The following CCDC34 variants were observed in gnomAD, a reference collection of about 807,000 sequenced individuals.
CCDC34 encodes the protein coiled-coil domain containing 34, also known as coiled-coil domain-containing protein 34.
A neutral mutation model predicts 44.1 loss-of-function variants in CCDC34; 40 were observed. The ratio of observed to expected loss-of-function variants is 0.91; its 90% CI spans 0.70 to 1.18. The LOEUF (loss-of-function observed/expected upper bound fraction) is 1.18, where lower values mean the gene tolerates loss of function less well. Among genes scored for constraint, CCDC34 ranks in the 50% most tolerant of loss-of-function variants. The pLI is 0.00. For synonymous variants in CCDC34, 159 were observed against 158.2 expected (o/e 1.01, Z -0.04); for missense variants, 466 against 452.3 (o/e 1.03, Z -0.28).
intron 3 of CCDC34, among the ~76,000 whole-genome samples, chr11:27,342,314 TATACAC>T (rs1379649079): frequency 1.6e-5 from 2 of 124,658 alleles, no homozygotes; most frequent in East Asian, 4.5e-4. Context: ...TATATATATA[TATACAC>T]ACACACACAC....
chr11:27,344,874 G>A (rs1166664892), intron 3 of CCDC34, among the ~76,000 whole-genome samples: 1 of 152,000 alleles, frequency 6.6e-6, no homozygotes, highest in Non-Finnish European at 1.5e-5. Context: ...AAGATGCAGG[G>A]CAACTAAAAC....
At chr11:27,345,211 T>C (rs1862415721) in intron 3 of CCDC34, among the ~76,000 whole-genome samples, 1 of 152,232 alleles carries the variant, frequency 6.6e-6, no homozygotes, top group African/African-American at 2.4e-5. Flanking sequence ...CAGGTAAAGC[T>C]AAAGCTATAA....
At chr11:27,360,432 A>G (rs1862645909) in intron 1 of CCDC34, among the ~76,000 whole-genome samples, 1 of 152,210 alleles carries the variant, frequency 6.6e-6, no homozygotes, top group South Asian at 2.1e-4. Context: ...CTGATGCCTG[A>G]GCCTAGCTCA....
chr11:27,352,304 A>T (rs1302090813), intron 2 of CCDC34, among the ~76,000 whole-genome samples: 2 of 152,044 alleles, frequency 1.3e-5, no homozygotes, highest in Non-Finnish European at 2.9e-5. Flanking sequence ...ACTCGCCTGA[A>T]CCTGGGAGGC....
At chr11:27,350,467 A>T (rs1862492765) in intron 2 of CCDC34, 28 bp from the exon 3 acceptor site, 1 of 1,556,572 alleles carries the variant, frequency 6.4e-7, no homozygotes, top group Non-Finnish European at 8.7e-7. Flanking sequence ...ACAAAAGGCA[A>T]CATTTAATAG....
At chr11:27,346,348 T>C (rs1225577698) in intron 3 of CCDC34, among the ~76,000 whole-genome samples, 1 of 145,542 alleles carries the variant, frequency 6.9e-6, no homozygotes, top group South Asian at 2.1e-4. Context: ...TGAGCCAAGA[T>C]CATGCCACTG....
chr11:27,359,280 A>G (rs1472233972), intron 1 of CCDC34, among the ~76,000 whole-genome samples: 1 of 151,838 alleles, frequency 6.6e-6, no homozygotes, highest in Non-Finnish European at 1.5e-5. Context: ...TCTTTCACCA[A>G]CGGCTGATCC....
At chr11:27,355,861 T>C (rs1026747765) in intron 2 of CCDC34, among the ~76,000 whole-genome samples, 17 of 152,264 alleles carry the variant, frequency 1.1e-4, no homozygotes, top group African/African-American at 3.6e-4. Context: ...AACAGCAGAA[T>C]GTATTAGTTT....
chr11:27,340,683 C>CAT lies in CCDC34; in HGVS notation c.907+11_907+12dup. 6.2e-7 allele frequency: 1 copy of CAT among 1,603,920 alleles called. No individual in the cohort carries two copies. Among genetic ancestry groups the CAT allele is most frequent in the Non-Finnish European group, 8.5e-7 (1 of 1,176,160 alleles). On this transcript the variant is annotated intron_variant, in intron 5 of 5. Transcript: ENST00000328697. ...AACCATATTTATGTAAGCCACACAA[C>CAT]ATAAAAACCAACCTGTAAGTTTTCC...
At chr11:27,342,347 A>G (rs1243650013) in intron 3 of CCDC34, among the ~76,000 whole-genome samples, 1 of 129,070 alleles carries the variant, frequency 7.7e-6, no homozygotes, top group African/African-American at 2.7e-5. Context: ...ATATAAATAT[A>G]TGTATATATA....
chr11:27,338,751 G>A lies in CCDC34; in HGVS notation c.*70C>T. ...CATTAAGTGTTGAGTTATTGACTGA[G>A]CAGTAAAAAACAATTTCTGATTTTT... On this transcript the variant is annotated 3_prime_UTR_variant, in exon 6 of 6. Coordinates refer to ENST00000328697, the MANE Select transcript of CCDC34 (RefSeq NM_030771.2). 8.0e-7 allele frequency: 1 copy of A among 1,249,814 alleles called. No individual in the cohort carries two copies. Among genetic ancestry groups the A allele is most frequent in the Non-Finnish European group, 1.2e-6 (1 of 864,704 alleles). The allele number at this position is 1,249,814 out of a possible 1,614,324, so 77.4% of individuals were successfully genotyped here. A position where few individuals can be genotyped will look rare whatever the true frequency, so the allele number is the denominator to read the frequency against.
intron 3 of CCDC34, among the ~76,000 whole-genome samples, chr11:27,345,535 G>A (rs940512283): frequency 2.6e-5 from 4 of 152,236 alleles, no homozygotes; most frequent in African/African-American, 7.2e-5. Context: ...AACATGCGAT[G>A]TTTGGTTTTT....
intron 2 of CCDC34, among the ~76,000 whole-genome samples, chr11:27,355,736 G>A (rs977437483): frequency 2.6e-5 from 4 of 152,084 alleles, no homozygotes; most frequent in Admixed American, 6.5e-5. Context: ...AACATCAACC[G>A]TAAGGTCTTT....
At chr11:27,341,690 G>T (rs77317686) in intron 3 of CCDC34, 140 bp from the exon 4 acceptor site, 267 of 508,106 alleles carry the variant, frequency 5.3e-4, no homozygotes, top group African/African-American at 4.7e-3. Flanking sequence ...GCACAACATG[G>T]TTTATGAAAA....
chr11:27,358,963 C>CG (rs1231391724), intron 1 of CCDC34, among the ~76,000 whole-genome samples: 3 of 111,714 alleles, frequency 2.7e-5, no homozygotes, highest in East Asian at 7.7e-4. Flanking sequence ...TGTGGACCCC[C>CG]CCCCCCCACC....
At chr11:27,360,106 CA>C (rs1263682439) in intron 1 of CCDC34, among the ~76,000 whole-genome samples, 4 of 152,236 alleles carry the variant, frequency 2.6e-5, no homozygotes, top group Admixed American at 2.0e-4. Flanking sequence ...CAAATGTGTT[CA>C]AAATGTGTGG....
chr11:27,349,312 T>A, intron 3 of CCDC34: 1 of 914,554 alleles, frequency 1.1e-6, no homozygotes, highest in Non-Finnish European at 1.3e-6. Flanking sequence ...GTAAACTTTT[T>A]TAAAAAAACA....
chr11:27,344,615 A>G (rs1862408898), intron 3 of CCDC34, among the ~76,000 whole-genome samples: 1 of 151,772 alleles, frequency 6.6e-6, no homozygotes, highest in Non-Finnish European at 1.5e-5. Context: ...TGAAATACTG[A>G]GAAATATATT....
At chr11:27,346,318 C>A (rs1375694810) in intron 3 of CCDC34, among the ~76,000 whole-genome samples, 3 of 151,662 alleles carry the variant, frequency 2.0e-5, no homozygotes, top group Non-Finnish European at 2.9e-5. Flanking sequence ...ATTGCTTGAG[C>A]CCGGGAGGCA....
Sources: allele counts gnomAD v4.1 joint callset (sites outside exome capture counted in the v4.1 genomes callset), GRCh38; gene constraint gnomAD v4.1.1; transcripts MANE v1.5; gene names NCBI Gene and HGNC (gene_info 2026-07-23, HGNC 2026-07-21).